GRIK4: variants seen among roughly 807,000 people sequenced by gnomAD.
GRIK4 encodes the protein glutamate ionotropic receptor kainate type subunit 4.
A neutral mutation model predicts 104.9 loss-of-function variants in GRIK4; 40 were observed. That is an observed-to-expected ratio of 0.38 (90% CI 0.30 to 0.50). GRIK4 has a LOEUF of 0.50. Ranked by LOEUF, GRIK4 falls within the 20% of genes least tolerant of loss-of-function variation. The pLI is 0.93. For synonymous variants in GRIK4, 485 were observed against 524.9 expected (o/e 0.92, Z 1.04); for missense variants, 1,047 against 1,308.1 (o/e 0.80, Z 3.08).
At chr11:120,735,459 AC>A in intron 3 of GRIK4, among the ~76,000 whole-genome samples, 1 of 152,252 alleles carries the variant, frequency 6.6e-6, no homozygotes, top group Admixed American at 6.5e-5. Flanking sequence ...CCCTATGGCC[AC>A]CACCACTCAA....
chr11:120,722,995 T>G (rs1426391185), intron 3 of GRIK4, among the ~76,000 whole-genome samples: 1 of 152,222 alleles, frequency 6.6e-6, no homozygotes, highest in Non-Finnish European at 1.5e-5. Flanking sequence ...CCGTAAATGG[T>G]GCTTCGTAGC....
chr11:120,919,477 C>T, intron 13 of GRIK4, among the ~76,000 whole-genome samples: 1 of 152,194 alleles, frequency 6.6e-6, no homozygotes, highest in East Asian at 1.9e-4. Flanking sequence ...ACACCTGGGA[C>T]TTGTCAGAAT....
chr11:120,780,742 T>G (rs752369216), intron 3 of GRIK4, among the ~76,000 whole-genome samples: 26 of 152,276 alleles, frequency 1.7e-4, no homozygotes, highest in Middle Eastern at 3.4e-3. Flanking sequence ...GTTTGTTGTT[T>G]TTTTTGTTTT....
At chr11:120,879,452 G>C (rs1954904169) in intron 11 of GRIK4, among the ~76,000 whole-genome samples, 1 of 152,240 alleles carries the variant, frequency 6.6e-6, no homozygotes. Context: ...CTGCTGGGTT[G>C]CAATTGGTAA....
At chr11:120,690,821 G>A (rs1430402880) in intron 3 of GRIK4, among the ~76,000 whole-genome samples, 1 of 152,150 alleles carries the variant, frequency 6.6e-6, no homozygotes, top group East Asian at 1.9e-4. Context: ...TTCTTTTAAT[G>A]GTGTCCCAAG....
chr11:120,604,216 C>T (rs1316181547), intron 1 of GRIK4, among the ~76,000 whole-genome samples: 2 of 146,336 alleles, frequency 1.4e-5, no homozygotes, highest in African/African-American at 5.0e-5. Flanking sequence ...TGCCCCCCTT[C>T]GTTTGGAAGC....
At chr11:120,516,632 G>A (rs1232893668) in intron 1 of GRIK4, among the ~76,000 whole-genome samples, 4 of 152,166 alleles carry the variant, frequency 2.6e-5, no homozygotes, top group Admixed American at 6.5e-5. Flanking sequence ...CGGGTTGAGG[G>A]CTGGGCCTGG....
intron 3 of GRIK4, among the ~76,000 whole-genome samples, chr11:120,668,459 C>T (rs1949961385): frequency 6.6e-6 from 1 of 152,084 alleles, no homozygotes; most frequent in African/African-American, 2.4e-5. Flanking sequence ...CTCTCTGAAA[C>T]CCTACCCCGG....
In GRIK4 at chr11:120,902,126, C is replaced by T. The variant is rs1047286517; in HGVS notation, c.1273-3164C>T. On this transcript the variant is annotated intron_variant, in intron 12 of 20. Transcript: ENST00000527524. The surrounding 1 kb of genome is among the most constrained non-coding windows in gnomAD (Gnocchi z 4.5). ...TATCCCTTAAAACTCAGCACACATT[C>T]ATGTTGTCTCCCCGCTCTGGTCAGG... Among the ~76,000 whole-genome samples, 2 of 152,196 alleles carry T rather than the reference C, an allele frequency of 1.3e-5. No homozygotes were observed. The highest frequency in any genetic ancestry group is 2.9e-5 in the Non-Finnish European group (2 of 68,044).
intron 3 of GRIK4, among the ~76,000 whole-genome samples, chr11:120,709,993 G>T (rs1950698099): frequency 6.6e-6 from 1 of 152,198 alleles, no homozygotes; most frequent in Non-Finnish European, 1.5e-5. Flanking sequence ...CCAAGAAGCA[G>T]CCACGCACAT....
At position 120,555,093 on chromosome 11, in the gene GRIK4, C is replaced by T. The variant is rs539719693; in HGVS notation, c.-159+43206C>T. Among the ~76,000 whole-genome samples, 6 of 152,330 alleles carry T rather than the reference C, an allele frequency of 3.9e-5. No homozygotes were observed. In the South Asian group the frequency reaches 8.3e-4, roughly 21 times the overall value. On this transcript the variant is annotated intron_variant, in intron 1 of 20. Transcript: ENST00000527524. This position sits in a 1 kb window ranked among gnomAD's most constrained non-coding sequence, Gnocchi z 5.3. ...AGGCATGAGAAGGCGCTCTGCAGCC[C>T]GAGACCACAGGCTGCTGCCCAGATG...
At chr11:120,669,978 C>T (rs10892595) in intron 3 of GRIK4, among the ~76,000 whole-genome samples, 22,011 of 152,246 alleles carry the variant, frequency 0.14, 1,713 homozygotes, top group South Asian at 0.23. Context: ...GTTATTGATT[C>T]TCCCCTCCAT....
At chr11:120,618,607 G>C (rs762244062) in intron 1 of GRIK4, among the ~76,000 whole-genome samples, 1 of 152,206 alleles carries the variant, frequency 6.6e-6, no homozygotes, top group Non-Finnish European at 1.5e-5. Context: ...TAATGGTGTC[G>C]TGGGCCAGGC....
chr11:120,758,482 C>T (rs1198651237), intron 3 of GRIK4, among the ~76,000 whole-genome samples: 2 of 152,140 alleles, frequency 1.3e-5, no homozygotes, highest in African/African-American at 4.8e-5. Flanking sequence ...ATATATTCAC[C>T]TCTTAGAGGC....
At chr11:120,909,799 G>T (rs919559384) in intron 13 of GRIK4, among the ~76,000 whole-genome samples, 1 of 152,182 alleles carries the variant, frequency 6.6e-6, no homozygotes, top group Non-Finnish European at 1.5e-5. Flanking sequence ...GAGGCCCAGG[G>T]TTATCTCCAG....
intron 1 of GRIK4, among the ~76,000 whole-genome samples, chr11:120,646,725 G>C (rs1427530367): frequency 2.0e-5 from 3 of 152,202 alleles, no homozygotes; most frequent in Admixed American, 6.5e-5. Flanking sequence ...TAGGGAGTCA[G>C]ACATATCCTA....
chr11:120,891,693 T>G (rs902948126), intron 11 of GRIK4, among the ~76,000 whole-genome samples: 3 of 152,156 alleles, frequency 2.0e-5, no homozygotes, highest in Non-Finnish European at 4.4e-5. Context: ...CTCATGAAGC[T>G]TATTATCTAG....
chr11:120,665,146 A>C (rs1949890832), intron 3 of GRIK4, among the ~76,000 whole-genome samples: 1 of 152,140 alleles, frequency 6.6e-6, no homozygotes, highest in South Asian at 2.1e-4. Context: ...AGGATAAAAA[A>C]CACCAGTTTC....
chr11:120,722,533 AG>A (rs1332952184), intron 3 of GRIK4, among the ~76,000 whole-genome samples: 3 of 152,094 alleles, frequency 2.0e-5, no homozygotes, highest in African/African-American at 7.2e-5. Context: ...ACTTGAACCC[AG>A]GAAGCGGAGG....
Sources: gnomAD v4.1 joint callset for allele counts (sites outside exome capture counted in the v4.1 genomes callset) on GRCh38, gnomAD v4.1.1 for gene constraint, Gnocchi (gnomAD v3.1) non-coding constraint, MANE v1.5 for transcripts, NCBI Gene and HGNC (gene_info 2026-07-23, HGNC 2026-07-21) for gene names.